Variants in SSBP3 observed in about 807,000 individuals in gnomAD.
SSBP3 encodes single-stranded DNA-binding protein 3.
Under a neutral mutation model 69.6 loss-of-function variants are expected in SSBP3, and 5 were observed. The observed-to-expected ratio is 0.07, with a 90% CI of 0.04 to 0.15. SSBP3 has a LOEUF of 0.15. Among genes scored for constraint, SSBP3 ranks in the 10% least tolerant of loss-of-function variants. SSBP3 has a pLI of 1.00. For missense variants in SSBP3, 312 were observed against 534.0 expected (o/e 0.58, Z 4.10); for synonymous variants, 196 against 193.4 (o/e 1.01, Z -0.11).
chr1:54,263,291 C>T (rs907597618), intron 5 of SSBP3, among the ~76,000 whole-genome samples: 10 of 152,210 alleles, frequency 6.6e-5, no homozygotes, highest in Non-Finnish European at 1.3e-4. Context: ...CCGCACGCTC[C>T]GGCTAAGTCC....
intron 5 of SSBP3, among the ~76,000 whole-genome samples, chr1:54,276,040 A>AC (rs1241389178): frequency 4.6e-5 from 7 of 152,148 alleles, no homozygotes; most frequent in African/African-American, 1.7e-4. Context: ...TTCTCTAGGG[A>AC]CCTCAACATC....
intron 3 of SSBP3, 140 bp downstream of exon 3, chr1:54,404,436 A>T (rs991983144): frequency 2.1e-6 from 2 of 933,146 alleles, no homozygotes; most frequent in Non-Finnish European, 3.3e-6. Context: ...GCTGGGCCGG[A>T]GTGCCTCGAG....
At chr1:54,406,579 C>G (rs1186923753), upstream of SSBP3, among the ~76,000 whole-genome samples, 3 of 151,826 alleles carry the variant, frequency 2.0e-5, no homozygotes, top group Non-Finnish European at 4.4e-5. Flanking sequence ...GAGCCGCTGC[C>G]TGCTCCTGCA....
chr1:54,284,607 A>G (rs891940911), intron 4 of SSBP3, among the ~76,000 whole-genome samples: 1 of 151,914 alleles, frequency 6.6e-6, no homozygotes, highest in Admixed American at 6.6e-5. Context: ...AGCTGGGAAT[A>G]CATGTGCACA....
At chr1:54,386,695 T>C (rs1310544763) in intron 4 of SSBP3, among the ~76,000 whole-genome samples, 1 of 140,138 alleles carries the variant, frequency 7.1e-6, no homozygotes, top group Non-Finnish European at 1.5e-5. Context: ...TTTTTTTTTT[T>C]TTTTTTTTTA....
At chr1:54,346,082 G>C (rs193077700) in intron 4 of SSBP3, among the ~76,000 whole-genome samples, 236 of 151,984 alleles carry the variant, frequency 1.6e-3, no homozygotes, top group African/African-American at 5.4e-3. Flanking sequence ...AGAATCGCTT[G>C]AACTCAAGAG....
intron 4 of SSBP3, among the ~76,000 whole-genome samples, chr1:54,371,839 AAC>A (rs1358462067): frequency 6.6e-6 from 1 of 152,058 alleles, no homozygotes; most frequent in East Asian, 1.9e-4. Context: ...CTTAAGATTA[AAC>A]ACCTTTCTAC....
intron 4 of SSBP3, among the ~76,000 whole-genome samples, chr1:54,361,770 A>G (rs1646955872): frequency 6.6e-6 from 1 of 152,170 alleles, no homozygotes; most frequent in Non-Finnish European, 1.5e-5. Context: ...TGGCCTTTCC[A>G]GACATGCCAG....
At chr1:54,330,671 C>G (rs946398043) in intron 4 of SSBP3, among the ~76,000 whole-genome samples, 6 of 151,814 alleles carry the variant, frequency 4.0e-5, no homozygotes, top group Non-Finnish European at 1.5e-5. Flanking sequence ...CCTGCTGACA[C>G]AGCCCAAATC....
At chr1:54,315,999 A>G (rs1372619834) in intron 4 of SSBP3, among the ~76,000 whole-genome samples, 2 of 152,146 alleles carry the variant, frequency 1.3e-5, no homozygotes, top group African/African-American at 4.8e-5. Flanking sequence ...CAAAGGATTC[A>G]AGGGTTTTAG....
chr1:54,368,968 G>A (rs1475102591), intron 4 of SSBP3, among the ~76,000 whole-genome samples: 1 of 152,142 alleles, frequency 6.6e-6, no homozygotes, highest in Admixed American at 6.5e-5. Flanking sequence ...ATGAGGGGAG[G>A]TGTAAAGGTG....
intron 4 of SSBP3, among the ~76,000 whole-genome samples, chr1:54,393,149 A>T (rs1197375374): frequency 6.6e-6 from 1 of 152,190 alleles, no homozygotes; most frequent in Non-Finnish European, 1.5e-5. Flanking sequence ...ATGGACAGTG[A>T]TGGGGCAACT....
At chr1:54,278,984 T>A (rs1159957384) in intron 5 of SSBP3, among the ~76,000 whole-genome samples, 1 of 152,226 alleles carries the variant, frequency 6.6e-6, no homozygotes, top group Middle Eastern at 3.2e-3. Context: ...AGAGATACCC[T>A]TTCCCCTTGG....
chr1:54,311,853 G>A (rs1646008974), intron 4 of SSBP3, among the ~76,000 whole-genome samples: 2 of 152,150 alleles, frequency 1.3e-5, no homozygotes, highest in African/African-American at 2.4e-5. Flanking sequence ...GCTCTGTGTT[G>A]TTCCCCGGAG....
intron 4 of SSBP3, among the ~76,000 whole-genome samples, chr1:54,288,415 A>G (rs1645531713): frequency 6.6e-6 from 1 of 152,140 alleles, no homozygotes; most frequent in East Asian, 1.9e-4. Context: ...AGACAACAAA[A>G]GCCTCAACCT....
At chr1:54,308,228 C>A (rs1159576473) in intron 4 of SSBP3, among the ~76,000 whole-genome samples, 2 of 152,150 alleles carry the variant, frequency 1.3e-5, no homozygotes, top group African/African-American at 2.4e-5. Context: ...CAGAGGCAGG[C>A]AGATCACTTG....
intron 4 of SSBP3, among the ~76,000 whole-genome samples, chr1:54,373,003 TAA>T (rs767651408): frequency 6.6e-6 from 1 of 152,226 alleles, no homozygotes; most frequent in Non-Finnish European, 1.5e-5. Flanking sequence ...TGTCTTTATA[TAA>T]TTTCCCCATG....
At chr1:54,380,350 C>T (rs1011646818) in intron 4 of SSBP3, among the ~76,000 whole-genome samples, 2 of 152,186 alleles carry the variant, frequency 1.3e-5, no homozygotes, top group Non-Finnish European at 1.5e-5. Flanking sequence ...CTGGACAGTA[C>T]CCCAGCACCT....
At chr1:54,380,998 A>G (rs568714135) in intron 4 of SSBP3, among the ~76,000 whole-genome samples, 1 of 151,636 alleles carries the variant, frequency 6.6e-6, no homozygotes, top group Non-Finnish European at 1.5e-5. Flanking sequence ...TGGTGGTACA[A>G]GCCTGTAATT....
Sources: gnomAD v4.1 joint callset for allele counts (sites outside exome capture counted in the v4.1 genomes callset) on GRCh38, gnomAD v4.1.1 for gene constraint, MANE v1.5 for transcripts, NCBI Gene and HGNC (gene_info 2026-07-23, HGNC 2026-07-21) for gene names.